The following CUBN variants were observed in gnomAD, a reference collection of about 807,000 sequenced individuals.
CUBN encodes the protein cubilin.
CUBN carries 282 observed loss-of-function variants against 405.3 expected under a neutral mutation model. The observed-to-expected ratio is 0.70, with a 90% CI of 0.63 to 0.77. The LOEUF (loss-of-function observed/expected upper bound fraction) is 0.77. Ranked by LOEUF, CUBN falls within the 30% of genes least tolerant of loss-of-function variation. The pLI, the probability that CUBN is intolerant of heterozygous loss-of-function variation, is 0.00. For missense variants in CUBN, 4,514 were observed against 4,475.2 expected, an observed-to-expected ratio of 1.01 and a Z score of -0.25; for synonymous variants, 1,684 against 1,617.0, an observed-to-expected ratio of 1.04 and a Z score of -0.99.
At chr10:17,106,983 A>G (rs114916295) in intron 10 of CUBN, among the ~76,000 whole-genome samples, 3,746 of 152,250 alleles carry the variant, frequency 0.025, 154 homozygotes, top group African/African-American at 0.083. Flanking sequence ...CTTCTCCCAC[A>G]CTTCTGATGA....
chr10:17,115,451 C>G lies in CUBN; in HGVS notation c.720+20G>C. ...AACCATGGCTCTCTGCAAGGAGGCACATTTGGGGAAGGGACCCACCTCTCC... is the reference window on the plus strand; with the variant it reads ...AACCATGGCTCTCTGCAAGGAGGCAGATTTGGGGAAGGGACCCACCTCTCC... On this transcript the variant is annotated intron_variant, in intron 7 of 66. Transcript: ENST00000377833. 1 of 1,613,432 alleles carries G rather than the reference C, an allele frequency of 6.2e-7. No individual in the cohort carries two copies. Among genetic ancestry groups the G allele is most frequent in the Non-Finnish European group, 8.5e-7 (1 of 1,179,854 alleles).
intron 59 of CUBN, among the ~76,000 whole-genome samples, chr10:16,856,208 A>C (rs1174122192): frequency 6.6e-6 from 1 of 151,996 alleles, no homozygotes; most frequent in Non-Finnish European, 1.5e-5. Flanking sequence ...CCAATCCATC[A>C]TTTCCTCATT....
chr10:16,827,624 T>C (rs1838822534), intron 66 of CUBN, among the ~76,000 whole-genome samples: 1 of 152,226 alleles, frequency 6.6e-6, no homozygotes, highest in Admixed American at 6.5e-5. Flanking sequence ...TATTTTGAGA[T>C]GGAGTCTGGC....
rs1333872737 is a variant in CUBN, at chr10:17,068,765, A to G, written c.2631T>C (p.Gly877=). 1.9e-6 allele frequency: 3 copies of G among 1,609,434 alleles called. No homozygotes were observed. In the Admixed American group the frequency reaches 5.0e-5, roughly 27 times the overall value. ...AHCETDYVEI[G]SSSILGSPEN... ...CAGGAGAACCCAAAATGGAACTGCT[A>G]CCAATCTAAAATTAGAGAAGATATG... Residue 877 remains glycine (G), a synonymous_variant, in exon 20 of 67, where the codon GGT becomes GGC. Transcript: ENST00000377833.
chr10:16,937,732 G>C lies in CUBN; in HGVS notation c.5786C>G (p.Thr1929Ser). 6.2e-7 allele frequency: 1 copy of C among 1,614,046 alleles called. No individual in the cohort carries two copies. Among genetic ancestry groups the C allele is most frequent in the Non-Finnish European group, 8.5e-7 (1 of 1,179,984 alleles). ...HARLIGAYCGTQTESFSSTGN... is the reference protein window; with the variant it reads ...HARLIGAYCGSQTESFSSTGN... ...AGTGGAGCTGAAAGATTCAGTCTGG[G>C]TACCACAGTAAGCTCCAATTAGGCG... Residue 1929 changes from threonine to serine, a missense_variant, in exon 39 of 67, where the codon ACC (threonine) becomes AGC (serine). This residue lies in a region of CUBN where 1,613 missense variants were observed against 1,542.8 expected (regional missense o/e 1.05). Coordinates refer to ENST00000377833, the MANE Select transcript of CUBN (RefSeq NM_001081.4).
intron 28 of CUBN, among the ~76,000 whole-genome samples, chr10:17,001,134 C>CGG (rs1833866891): frequency 6.6e-6 from 1 of 152,116 alleles, no homozygotes; most frequent in Non-Finnish European, 1.5e-5. Context: ...TCATTCTTCC[C>CGG]GGTGGGTTTC....
chr10:16,986,669 C>T (rs892649808), intron 29 of CUBN, among the ~76,000 whole-genome samples: 5 of 152,124 alleles, frequency 3.3e-5, no homozygotes, highest in Admixed American at 2.0e-4. Flanking sequence ...GCCCCTGACA[C>T]GTACACATAT....
chr10:16,924,426 T>C (rs1842123166), intron 43 of CUBN, among the ~76,000 whole-genome samples: 1 of 152,200 alleles, frequency 6.6e-6, no homozygotes. Context: ...AAGACTCTTA[T>C]TCATCTCTTT....
intron 27 of CUBN, among the ~76,000 whole-genome samples, chr10:17,035,751 T>A (rs775220986): frequency 6.6e-6 from 1 of 151,838 alleles, no homozygotes; most frequent in Non-Finnish European, 1.5e-5. Flanking sequence ...AACCAAGTAC[T>A]GCATGTTCTC....
chr10:17,080,728 G>A (rs1220437707), intron 17 of CUBN, among the ~76,000 whole-genome samples: 1 of 152,124 alleles, frequency 6.6e-6, no homozygotes, highest in Non-Finnish European at 1.5e-5. Context: ...TCCCTTCTCT[G>A]GGATTTAAAA....
chr10:17,126,264 T>C (rs933633827), intron 4 of CUBN, among the ~76,000 whole-genome samples: 1 of 152,242 alleles, frequency 6.6e-6, no homozygotes, highest in Non-Finnish European at 1.5e-5. Context: ...TAGATCAGTC[T>C]ACAAGCATGT....
chr10:16,913,446 C>T (rs1252677927), intron 48 of CUBN, among the ~76,000 whole-genome samples: 1 of 152,070 alleles, frequency 6.6e-6, no homozygotes, highest in African/African-American at 2.4e-5. Context: ...TATGCAGGAC[C>T]ACCCACCTGC....
In CUBN at chr10:16,984,293, T is replaced by C. The variant is rs374400048; in HGVS notation, c.4351-14A>G. On this transcript the variant is annotated splice_polypyrimidine_tract_variant and intron_variant, in intron 29 of 66. Coordinates refer to ENST00000377833, the MANE Select transcript of CUBN (RefSeq NM_001081.4). ...GCCTCCATAGATCTAACATGGGATG[T>C]AGGAAAAAAGACTTTAAAAAATATT... The C allele has an allele frequency of 6.2e-7, 1 of 1,613,106 alleles. No homozygotes were observed. The highest frequency in any genetic ancestry group is 8.5e-7 in the Non-Finnish European group (1 of 1,179,122).
At position 16,831,407 on chromosome 10, in the gene CUBN, C is replaced by A; in HGVS notation, c.10373G>T (p.Gly3458Val). Residue 3458 changes from glycine (G) to valine (V), a missense_variant, in exon 65 of 67, where the codon GGA becomes GTA. This residue lies in a region of CUBN where 1,186 missense variants were observed against 1,186.9 expected (regional missense o/e 1.00). Transcript: ENST00000377833. ...CAGTAATGGTGAATTGCTGTTACTT[C>A]CATTTCTCACCTTTAGGAAGGAGTC... ...CRNDFLEVRN[G>V]SNSNSPLLGK... 6.2e-7 allele frequency: 1 copy of A among 1,613,696 alleles called. No individual in the cohort carries two copies. The highest frequency in any genetic ancestry group is 8.5e-7 in the Non-Finnish European group (1 of 1,179,596).
intron 34 of CUBN, among the ~76,000 whole-genome samples, chr10:16,949,413 C>T (rs531537032): frequency 7.3e-5 from 11 of 149,768 alleles, no homozygotes; most frequent in Admixed American, 1.3e-4. Flanking sequence ...AGGAAATTTA[C>T]GGAGAAAGCT....
intron 28 of CUBN, among the ~76,000 whole-genome samples, chr10:17,001,295 G>A (rs1280236754): frequency 6.6e-6 from 1 of 152,226 alleles, no homozygotes; most frequent in African/African-American, 2.4e-5. Context: ...GGCAACCCCA[G>A]TGGATTGCCA....
chr10:16,825,078 G>A lies in CUBN; in HGVS notation c.10769C>T (p.Thr3590Ile), dbSNP rs1838735018. 1.2e-6 allele frequency: 2 copies of A among 1,610,378 alleles called. No homozygotes were observed. The highest frequency in any genetic ancestry group is 1.7e-6 in the Non-Finnish European group (2 of 1,177,212). ...GGAAGCCACGAAGGGAGCTATGCTG[G>A]TGTCCTAAAATTGAAAAAAAAAGTA... ...PSSGPYCGGD[T>I]SIAPFVASSN... Residue 3590 changes from threonine to isoleucine, a missense_variant, in exon 67 of 67, where the codon ACC becomes ATC. Physicochemically the swap from Thr to Ile is moderately conservative, Grantham distance 89 (BLOSUM62 -1). Coordinates refer to ENST00000377833, the MANE Select transcript of CUBN (RefSeq NM_001081.4).
At chr10:16,964,394 T>C (rs1282789862) in intron 31 of CUBN, among the ~76,000 whole-genome samples, 2 of 152,070 alleles carry the variant, frequency 1.3e-5, no homozygotes, top group African/African-American at 4.8e-5. Flanking sequence ...TCAAATAATA[T>C]GAAGTGAAAA....
chr10:17,087,354 C>A (rs1481002995), intron 15 of CUBN, among the ~76,000 whole-genome samples: 5 of 151,806 alleles, frequency 3.3e-5, no homozygotes. Flanking sequence ...ATATTTTAAT[C>A]TTTTACTAAT....
Sources: allele counts gnomAD v4.1 joint callset (sites outside exome capture counted in the v4.1 genomes callset), GRCh38; gene constraint gnomAD v4.1.1; regional missense constraint gnomAD v4.1.1; transcripts MANE v1.5; gene names NCBI Gene and HGNC (gene_info 2026-07-23, HGNC 2026-07-21).